The following TLN2 variants were observed in gnomAD, a reference collection of about 807,000 sequenced individuals.
TLN2 encodes the protein talin 2, also known as talin-2.
A neutral mutation model predicts 294.7 loss-of-function variants in TLN2; 118 were observed. That is an observed-to-expected ratio of 0.40 (90% CI 0.34 to 0.47). TLN2 has a LOEUF of 0.47. TLN2 is among the 20% of genes least tolerant of loss of function. TLN2 has a pLI of 0.84. For missense variants in TLN2, 3,083 were observed against 3,282.2 expected (o/e 0.94, Z 1.48); for synonymous variants, 1,431 against 1,304.5 (o/e 1.10, Z -2.09).
intron 11 of TLN2, among the ~76,000 whole-genome samples, chr15:62,685,109 TACA>T (rs1390116873): frequency 2.0e-5 from 3 of 151,916 alleles, no homozygotes; most frequent in Non-Finnish European, 2.9e-5. Context: ...GAAAAAATAA[TACA>T]AAACACATGA....
chr15:62,649,134 G>A (rs915160168), intron 4 of TLN2, among the ~76,000 whole-genome samples: 30 of 152,160 alleles, frequency 2.0e-4, no homozygotes, highest in Admixed American at 1.8e-3. Context: ...GAGCAACTGC[G>A]CCCCCTGGCT....
At chr15:62,666,266 T>A (rs182226829) in intron 9 of TLN2, among the ~76,000 whole-genome samples, 1 of 152,284 alleles carries the variant, frequency 6.6e-6, no homozygotes, top group Non-Finnish European at 1.5e-5. Flanking sequence ...AATTTGGGTG[T>A]TGTCAGTGTG....
intron 9 of TLN2, among the ~76,000 whole-genome samples, chr15:62,661,755 A>G (rs956083156): frequency 6.6e-6 from 1 of 152,198 alleles, no homozygotes; most frequent in Non-Finnish European, 1.5e-5. Context: ...GTTTAAATGC[A>G]TTGAAACTGA....
At chr15:62,723,929 G>A (rs1052816113) in intron 26 of TLN2, among the ~76,000 whole-genome samples, 1 of 151,898 alleles carries the variant, frequency 6.6e-6, no homozygotes, top group Non-Finnish European at 1.5e-5. Flanking sequence ...TGGGTGGATT[G>A]CTTGAGTCCA....
intron 54 of TLN2, chr15:62,828,516 G>A: frequency 2.6e-5 from 4 of 152,190 alleles, no homozygotes; most frequent in Admixed American, 2.6e-4. Context: ...GTGCCTCTTG[G>A]TAAAATGCCA....
Position 62,722,473 on chromosome 15 carries a change from A to G in TLN2, c.3112A>G (p.Thr1038Ala). Residue 1038 changes from threonine to alanine, a missense_variant, in exon 26 of 59, where the codon ACC becomes GCC. By Grantham distance (58) the Thr-to-Ala change is moderately conservative. Coordinates refer to ENST00000636159, the MANE Select transcript of TLN2 (RefSeq NM_015059.3). ...GGCCACCAGCTTGGCGGAGCTGCGT[A>G]CCGCCTCGCAGAAGGCAAGTGGAGC... is the stretch of plus-strand genomic sequence containing the variant. Reference protein sequence around the residue: ...NLATSLAELRTASQKAHEACG... With the variant: ...NLATSLAELRAASQKAHEACG... 1 of 1,611,320 alleles carries G rather than the reference A, an allele frequency of 6.2e-7. No homozygotes were observed. The highest frequency in any genetic ancestry group is 1.1e-5 in the South Asian group (1 of 90,838).
chr15:62,787,623 T>G (rs1350774764), intron 45 of TLN2, among the ~76,000 whole-genome samples: 2 of 151,944 alleles, frequency 1.3e-5, no homozygotes, highest in African/African-American at 4.8e-5. Context: ...TGGATCACCC[T>G]GTGGGCTGGT....
chr15:62,837,558 C>G (rs2069869834), intron 57 of TLN2, among the ~76,000 whole-genome samples: 1 of 152,198 alleles, frequency 6.6e-6, no homozygotes, highest in South Asian at 2.1e-4. Context: ...TTGTTCCCAT[C>G]ATTACCGATT....
At chr15:62,676,992 A>G (rs984642087) in intron 11 of TLN2, among the ~76,000 whole-genome samples, 13 of 152,234 alleles carry the variant, frequency 8.5e-5, no homozygotes, top group African/African-American at 3.1e-4. Flanking sequence ...TAACTGAAGA[A>G]GCCAGGACTT....
chr15:62,640,586 C>T (rs563028031), intron 3 of TLN2, among the ~76,000 whole-genome samples: 3 of 152,120 alleles, frequency 2.0e-5, no homozygotes, highest in Admixed American at 6.5e-5. Flanking sequence ...GCCAGCCTTG[C>T]GCCAAAGGGT....
At chr15:62,535,702 C>A (rs546010146) in intron 1 of TLN2, among the ~76,000 whole-genome samples, 1 of 151,946 alleles carries the variant, frequency 6.6e-6, no homozygotes, top group South Asian at 2.1e-4. Context: ...ATTATGGGTG[C>A]CTGCCGCCAC....
At chr15:62,459,808 G>A (rs2036689061) in intron 1 of TLN2, among the ~76,000 whole-genome samples, 1 of 152,000 alleles carries the variant, frequency 6.6e-6, no homozygotes, top group Admixed American at 6.6e-5. Flanking sequence ...GGGCCACTTA[G>A]TGTCTGAGGT....
At chr15:62,492,861 T>C (rs1458561426) in intron 1 of TLN2, among the ~76,000 whole-genome samples, 2 of 152,220 alleles carry the variant, frequency 1.3e-5, no homozygotes, top group Non-Finnish European at 2.9e-5. Flanking sequence ...GGTAAATCCT[T>C]GTGTCTCTAA....
chr15:62,460,653 A>G (rs1018542153), intron 1 of TLN2, among the ~76,000 whole-genome samples: 2 of 152,234 alleles, frequency 1.3e-5, no homozygotes, highest in Admixed American at 1.3e-4. Flanking sequence ...CATGATGGAC[A>G]GGAATCTTTA....
chr15:62,824,123 G>A, intron 54 of TLN2: 1 of 388,840 alleles, frequency 2.6e-6, no homozygotes, highest in Non-Finnish European at 5.2e-6. Flanking sequence ...AGAAGATGGA[G>A]CACTCATTAC....
intron 50 of TLN2, among the ~76,000 whole-genome samples, chr15:62,802,158 T>C (rs1161295108): frequency 6.6e-6 from 1 of 150,908 alleles, no homozygotes; most frequent in Non-Finnish European, 1.5e-5. Flanking sequence ...TTCTACCCTC[T>C]ATCTCCATGA....
At chr15:62,593,295 C>A (rs1287833081) in intron 2 of TLN2, among the ~76,000 whole-genome samples, 1 of 152,222 alleles carries the variant, frequency 6.6e-6, no homozygotes, top group African/African-American at 2.4e-5. Flanking sequence ...CCTGCAGGCT[C>A]CCTGAGTGAC....
At chr15:62,690,754 C>T (rs1016057754) in intron 12 of TLN2, among the ~76,000 whole-genome samples, 26 of 150,696 alleles carry the variant, frequency 1.7e-4, no homozygotes, top group Non-Finnish European at 2.1e-4. Context: ...ACTCCGTCTG[C>T]AATCCCGGCA....
intron 1 of TLN2, among the ~76,000 whole-genome samples, chr15:62,537,416 C>G (rs916980267): frequency 6.6e-6 from 1 of 152,138 alleles, no homozygotes; most frequent in African/African-American, 2.4e-5. Flanking sequence ...GGGTTGGGGT[C>G]TAATCTTCAG....
Sources: allele counts gnomAD v4.1 joint callset (sites outside exome capture counted in the v4.1 genomes callset), GRCh38; gene constraint gnomAD v4.1.1; transcripts MANE v1.5; gene names NCBI Gene and HGNC (gene_info 2026-07-23, HGNC 2026-07-21).